VRK3: variants seen among roughly 807,000 people sequenced by gnomAD.
The protein encoded by VRK3 is VRK serine/threonine kinase 3.
VRK3 carries 50 observed loss-of-function variants against 60.4 expected under a neutral mutation model. The ratio of observed to expected loss-of-function variants is 0.83; its 90% CI spans 0.66 to 1.05. VRK3 has a LOEUF of 1.05. VRK3 is among the 50% of genes least tolerant of loss of function. The pLI is 0.00. For missense variants in VRK3, 549 were observed against 585.3 expected (o/e 0.94, Z 0.64); for synonymous variants, 246 against 227.8 (o/e 1.08, Z -0.72).
At chr19:49,999,997 G>C (rs2076772832) in intron 6 of VRK3, 1 of 152,154 alleles carries the variant, frequency 6.6e-6, no homozygotes, top group Admixed American at 6.6e-5. Flanking sequence ...CTCAAAGCAG[G>C]TGCTACCCAC....
At chr19:49,990,127 C>A (rs1293972603) in intron 10 of VRK3, among the ~76,000 whole-genome samples, 1 of 152,032 alleles carries the variant, frequency 6.6e-6, no homozygotes, top group Non-Finnish European at 1.5e-5. Context: ...TGGGCACCGG[C>A]ACTTTACACT....
chr19:50,022,737 T>C (rs1600733978), intron 1 of VRK3, among the ~76,000 whole-genome samples: 1 of 152,076 alleles, frequency 6.6e-6, no homozygotes, highest in Admixed American at 6.5e-5. Context: ...GAGGTTGCAA[T>C]GAGCCAAGAT....
chr19:49,985,699 C>G (rs1434148844), intron 12 of VRK3, among the ~76,000 whole-genome samples: 1 of 152,158 alleles, frequency 6.6e-6, no homozygotes, highest in Non-Finnish European at 1.5e-5. Context: ...TCCCTGAGGG[C>G]AGGGATTTTT....
chr19:49,998,680 G>A (rs1034311463), intron 6 of VRK3: 9 of 152,118 alleles, frequency 5.9e-5, no homozygotes, highest in African/African-American at 2.2e-4. Flanking sequence ...CAACCTGCGT[G>A]CTGGGTGCAC....
chr19:50,001,611 T>A (rs561616267), intron 5 of VRK3, among the ~76,000 whole-genome samples: 1 of 152,202 alleles, frequency 6.6e-6, no homozygotes, highest in Non-Finnish European at 1.5e-5. Context: ...GCACCCTGCA[T>A]GCTTGTCCCC....
Position 49,980,837 on chromosome 19 carries a change from A to G in VRK3, c.1276+118T>C, listed in dbSNP as rs904984510. ...TTTCTACAATGGGTACGTATTACAA[A>G]TGCAATTTGGAAAACTAAAAAAAAT... is the stretch of plus-strand genomic sequence containing the variant. On this transcript the variant is annotated intron_variant, in intron 13 of 14. Transcript: ENST00000316763. The G allele has an allele frequency of 5.8e-6, 5 of 868,662 alleles. No homozygotes were observed. In the East Asian group the frequency reaches 1.1e-4, roughly 19 times the overall value. 53.8% of individuals were successfully genotyped at this position (868,662 alleles called of 1,614,324 possible).
intron 1 of VRK3, among the ~76,000 whole-genome samples, chr19:50,024,759 C>T (rs1273516509): frequency 6.6e-6 from 1 of 152,218 alleles, no homozygotes; most frequent in Non-Finnish European, 1.5e-5. Flanking sequence ...ACTTGAAACC[C>T]TAAGACTCCA....
intron 5 of VRK3, among the ~76,000 whole-genome samples, chr19:50,005,953 A>C (rs934689235): frequency 2.0e-5 from 3 of 149,092 alleles, no homozygotes; most frequent in African/African-American, 5.2e-5. Flanking sequence ...CGATGGTTGC[A>C]TAACACTCTG....
At position 49,989,631 on chromosome 19, in the gene VRK3, C is replaced by T. The variant is rs770580347; in HGVS notation, c.1096+8G>A. On this transcript the variant is annotated splice_region_variant and intron_variant, in intron 11 of 14. Transcript: ENST00000316763. ...TCTGCGGTCCCAAACCCATCCCTGGCCTCGTACCGCATCCCTTGTGCAGGT... is the reference window on the plus strand; with the variant it reads ...TCTGCGGTCCCAAACCCATCCCTGGTCTCGTACCGCATCCCTTGTGCAGGT... The T allele has an allele frequency of 6.2e-6, 10 of 1,603,452 alleles. No individual in the cohort carries two copies. In the African/African-American group the frequency reaches 1.2e-4, roughly 19 times the overall value.
In VRK3 at chr19:49,981,101, TAAGATATATAC is replaced by T. The variant is rs2076414782; in HGVS notation, c.1218-99_1218-89del. 8.4e-6 allele frequency: 9 copies of T among 1,071,656 alleles called. No individual in the cohort carries two copies. In the Admixed American group the frequency reaches 2.4e-4, roughly 29 times the overall value. The allele number at this position is 1,071,656 out of a possible 1,614,324, so 66.4% of individuals were successfully genotyped here. A position where few individuals can be genotyped will look rare whatever the true frequency, so the allele number is the denominator to read the frequency against. ...GAATGCCTAAGATATATACACAGCC[TAAGATATATAC>T]ACAGTCCCCTCTGCCATCCAGGGAA... On this transcript the variant is annotated intron_variant, in intron 12 of 14. Transcript: ENST00000316763.
intron 5 of VRK3, among the ~76,000 whole-genome samples, chr19:50,001,848 G>A (rs1385996582): frequency 6.6e-6 from 1 of 152,158 alleles, no homozygotes; most frequent in Admixed American, 6.5e-5. Flanking sequence ...GGAGCAGTAA[G>A]GCCTACCCCG....
chr19:50,005,816 G>T (rs548793161), intron 5 of VRK3, among the ~76,000 whole-genome samples: 34 of 149,922 alleles, frequency 2.3e-4, no homozygotes, highest in East Asian at 2.1e-3. Context: ...ACCCAGAAGG[G>T]GCAAATCCAC....
intron 6 of VRK3, 181 bp from the exon 7 acceptor site, chr19:49,997,751 T>A: frequency 1.7e-6 from 1 of 581,420 alleles, no homozygotes; most frequent in Non-Finnish European, 3.0e-6. Flanking sequence ...GCTACCTTGC[T>A]GTACCCAGGT....
chr19:49,984,803 T>C (rs2076484301), intron 12 of VRK3, among the ~76,000 whole-genome samples: 1 of 152,084 alleles, frequency 6.6e-6, no homozygotes, highest in Non-Finnish European at 1.5e-5. Context: ...GGCTACTTTT[T>C]TTGTAGAGAT....
intron 14 of VRK3, chr19:49,978,489 C>G (rs1195225221): frequency 6.5e-6 from 1 of 152,934 alleles, no homozygotes; most frequent in Admixed American, 6.5e-5. Context: ...CATCCACAGA[C>G]AGCGTGCGCC....
intron 3 of VRK3, chr19:50,015,700 G>A (rs2077064098): frequency 3.2e-6 from 1 of 313,606 alleles, no homozygotes; most frequent in Non-Finnish European, 6.0e-6. Context: ...AATACTTCCA[G>A]TCCTCATCAT....
intron 5 of VRK3, among the ~76,000 whole-genome samples, chr19:50,003,021 T>A (rs1036460524): frequency 1.3e-5 from 2 of 152,046 alleles, no homozygotes; most frequent in Non-Finnish European, 2.9e-5. Context: ...CTCATTTCAC[T>A]CTCCTGACTG....
intron 5 of VRK3, among the ~76,000 whole-genome samples, chr19:50,003,432 C>A (rs998857822): frequency 1.3e-5 from 2 of 152,228 alleles, no homozygotes; most frequent in Non-Finnish European, 2.9e-5. Flanking sequence ...AGCGTGGGCC[C>A]GACCCTGAGC....
chr19:49,987,488 T>G (rs2076536608), intron 12 of VRK3, among the ~76,000 whole-genome samples: 1 of 152,218 alleles, frequency 6.6e-6, no homozygotes, highest in African/African-American at 2.4e-5. Context: ...CAGAACTTCC[T>G]CATATGTTCC....
Sources: allele counts gnomAD v4.1 joint callset (sites outside exome capture counted in the v4.1 genomes callset), GRCh38; gene constraint gnomAD v4.1.1; transcripts MANE v1.5; gene names NCBI Gene and HGNC (gene_info 2026-07-23, HGNC 2026-07-21).